Variants in THRB observed in about 807,000 individuals in gnomAD.
THRB encodes the protein thyroid hormone receptor beta.
THRB carries 12 observed loss-of-function variants against 47.8 expected under a neutral mutation model. The observed-to-expected ratio is 0.25, with a 90% CI of 0.16 to 0.41. The LOEUF (loss-of-function observed/expected upper bound fraction) is 0.41, where lower values mean the gene tolerates loss of function less well. Among genes scored for constraint, THRB ranks in the 10% least tolerant of loss-of-function variants. THRB has a pLI of 1.00. For missense variants in THRB, 348 were observed against 589.2 expected (o/e 0.59, Z 4.24); for synonymous variants, 218 against 212.2 (o/e 1.03, Z -0.24).
Position 24,190,171 on chromosome 3 carries a change from A to G in THRB, c.186T>C (p.Thr62=), listed in dbSNP as rs746869056. Residue 62 remains threonine, a synonymous_variant, in exon 5 of 11, where the codon ACT becomes ACC. Coordinates refer to ENST00000646209, the MANE Select transcript of THRB (RefSeq NM_001354712.2). ...CCAGATGGAATATTGAGCTAGTCCA[A>G]GTGGTCTGGATGAGATGTGGCGACG... The part of the protein sequence containing the change: ...EQSSPHLIQT[T]WTSSIFHLDH... The G allele has an allele frequency of 1.2e-6, 2 of 1,613,952 alleles. No individual in the cohort carries two copies. The highest frequency in any genetic ancestry group is 8.5e-7 in the Non-Finnish European group (1 of 1,179,988).
intron 5 of THRB, among the ~76,000 whole-genome samples, chr3:24,183,087 G>T (rs2042110245): frequency 6.6e-6 from 1 of 152,034 alleles, no homozygotes; most frequent in South Asian, 2.1e-4. Flanking sequence ...TACTTTGGTT[G>T]TTGCTATGGA....
chr3:24,254,790 C>T lies in THRB; in HGVS notation c.-42-25789G>A, dbSNP rs73148311. ...ACAAAGGCCTTGTGCCAAACATAACCAGCACGTACACCATTTTTATTTTCC... is the reference window on the plus strand; with the variant it reads ...ACAAAGGCCTTGTGCCAAACATAACTAGCACGTACACCATTTTTATTTTCC... On this transcript the variant is annotated intron_variant, in intron 3 of 10. Transcript: ENST00000646209. Among the ~76,000 whole-genome samples, 914 of 152,284 alleles carry T rather than the reference C, an allele frequency of 6.0e-3. 12 individuals carry two copies. Among genetic ancestry groups the T allele is most frequent in the East Asian group, 0.026 (134 of 5,180 alleles).
chr3:24,387,545 A>T (rs1264158814), intron 1 of THRB, among the ~76,000 whole-genome samples: 2 of 152,176 alleles, frequency 1.3e-5, no homozygotes. Flanking sequence ...TTGTCTGCTT[A>T]TTCATCTGCA....
rs185691485 is a variant in THRB, at chr3:24,213,028, G to C, written c.22+15910C>G. Among the ~76,000 whole-genome samples the C allele has an allele frequency of 1.2e-3, 188 of 152,336 alleles. 1 individual carries two copies. Among genetic ancestry groups the C allele is most frequent in the Non-Finnish European group, 2.3e-3 (159 of 68,038 alleles). On this transcript the variant is annotated intron_variant, in intron 4 of 10. Transcript: ENST00000646209. ...CGGAGTGAGCAACTCTGGCGATACG[G>C]TATGACATGAACAATGGGAGTGGAG...
chr3:24,174,821 T>A (rs1034393576), intron 5 of THRB, among the ~76,000 whole-genome samples: 1 of 152,202 alleles, frequency 6.6e-6, no homozygotes, highest in Non-Finnish European at 1.5e-5. Flanking sequence ...TGACTGTTCC[T>A]GTTTTAGAGA....
intron 3 of THRB, among the ~76,000 whole-genome samples, chr3:24,295,552 T>C (rs2056374074): frequency 6.6e-6 from 1 of 152,240 alleles, no homozygotes; most frequent in African/African-American, 2.4e-5. Context: ...TTAAGACAAT[T>C]ATTGTGCCAG....
intron 5 of THRB, among the ~76,000 whole-genome samples, chr3:24,184,330 G>C (rs1373292890): frequency 6.6e-6 from 1 of 152,116 alleles, no homozygotes; most frequent in Non-Finnish European, 1.5e-5. Flanking sequence ...TATTTCCCTG[G>C]GACAGAGTAT....
At chr3:24,240,758 G>T (rs577868966) in intron 3 of THRB, among the ~76,000 whole-genome samples, 1 of 152,168 alleles carries the variant, frequency 6.6e-6, no homozygotes, top group African/African-American at 2.4e-5. Context: ...GATTCAGTTA[G>T]TTTGGGGTGC....
At chr3:24,440,867 T>C (rs1366295742) in intron 1 of THRB, among the ~76,000 whole-genome samples, 1 of 152,174 alleles carries the variant, frequency 6.6e-6, no homozygotes, top group Non-Finnish European at 1.5e-5. Context: ...TATTGCTGCA[T>C]GACAAATTCC....
At chr3:24,307,544 T>A (rs2057442641) in intron 2 of THRB, among the ~76,000 whole-genome samples, 1 of 152,154 alleles carries the variant, frequency 6.6e-6, no homozygotes, top group Non-Finnish European at 1.5e-5. Context: ...CATTAAATAT[T>A]TAACATTCTC....
At chr3:24,431,375 A>G (rs73032363) in intron 1 of THRB, among the ~76,000 whole-genome samples, 37,790 of 151,818 alleles carry the variant, frequency 0.25, 5,236 homozygotes, top group East Asian at 0.36. Flanking sequence ...GGAAGCATCA[A>G]TGGTAAAGAC....
At chr3:24,386,426 G>T (rs2066109105) in intron 1 of THRB, among the ~76,000 whole-genome samples, 1 of 151,932 alleles carries the variant, frequency 6.6e-6, no homozygotes, top group Non-Finnish European at 1.5e-5. Context: ...ATTACCACTT[G>T]TTTGCTTACA....
chr3:24,235,512 T>C (rs906109187), intron 3 of THRB, among the ~76,000 whole-genome samples: 1 of 152,132 alleles, frequency 6.6e-6, no homozygotes, highest in African/African-American at 2.4e-5. Context: ...CAGAGTGTCA[T>C]GCAGCCTGAT....
chr3:24,409,711 G>GAAAC (rs772134114), intron 1 of THRB, among the ~76,000 whole-genome samples: 4 of 151,840 alleles, frequency 2.6e-5, no homozygotes, highest in African/African-American at 4.8e-5. Flanking sequence ...CATGCATTTT[G>GAAAC]AAACAAGAGA....
intron 4 of THRB, among the ~76,000 whole-genome samples, chr3:24,194,274 A>G (rs1447806860): frequency 6.6e-6 from 1 of 152,230 alleles, no homozygotes; most frequent in African/African-American, 2.4e-5. Context: ...TATTGAAATA[A>G]ATAAAAAATT....
chr3:24,330,239 G>A (rs919979136), intron 2 of THRB, among the ~76,000 whole-genome samples: 13 of 152,110 alleles, frequency 8.5e-5, no homozygotes, highest in Non-Finnish European at 1.3e-4. Context: ...CCCGGGAAGC[G>A]GAGCTTGCAG....
intron 3 of THRB, among the ~76,000 whole-genome samples, chr3:24,273,694 T>C (rs540036025): frequency 2.6e-5 from 4 of 152,336 alleles, no homozygotes; most frequent in Non-Finnish European, 4.4e-5. Context: ...TATGCTTCAC[T>C]GCAGAAATAT....
chr3:24,351,319 C>T (rs920316757), intron 1 of THRB, among the ~76,000 whole-genome samples: 1 of 152,004 alleles, frequency 6.6e-6, no homozygotes, highest in South Asian at 2.1e-4. Flanking sequence ...GGATATAATA[C>T]CCTTACTTTG....
intron 5 of THRB, among the ~76,000 whole-genome samples, chr3:24,174,192 T>C (rs1053736928): frequency 3.9e-5 from 6 of 152,098 alleles, no homozygotes; most frequent in African/African-American, 1.4e-4. Flanking sequence ...ATTTTTTTAA[T>C]AGATGAAAAA....
Sources: gnomAD v4.1 joint callset for allele counts (sites outside exome capture counted in the v4.1 genomes callset) on GRCh38, gnomAD v4.1.1 for gene constraint, MANE v1.5 for transcripts, NCBI Gene and HGNC (gene_info 2026-07-23, HGNC 2026-07-21) for gene names.